The following CAPZB variants were observed in gnomAD, a reference collection of about 807,000 sequenced individuals.
The protein encoded by CAPZB is capping actin protein of muscle Z-line subunit beta, also known as F-actin-capping protein subunit beta.
Under a neutral mutation model 38.1 loss-of-function variants are expected in CAPZB, and 2 were observed. The observed-to-expected ratio is 0.05, with a 90% CI of 0.02 to 0.17. The LOEUF (loss-of-function observed/expected upper bound fraction) is 0.17. CAPZB is among the 10% of genes least tolerant of loss of function. The probability of loss-of-function intolerance (pLI) is 1.00; values close to 1 mark genes in which losing one functional copy is unlikely to be tolerated. For missense variants in CAPZB, 161 were observed against 334.2 expected, an observed-to-expected ratio of 0.48 and a Z score of 4.04; for synonymous variants, 107 against 127.4, an observed-to-expected ratio of 0.84 and a Z score of 1.08.
rs145368871 is a variant in CAPZB, at chr1:19,367,708, A to T, written c.330-10145T>A. ...AATCCCCCGAGTCAACATACCAATC[A>T]GCTTAGGCATGTGCGACTTTAATGC... On this transcript the variant is annotated intron_variant, in intron 4 of 8. Transcript: ENST00000264202. 6.2e-4 allele frequency among the ~76,000 whole-genome samples: 94 copies of T among 152,318 alleles called. No homozygotes were observed. In the East Asian group the frequency reaches 0.012, roughly 19 times the overall value.
intron 1 of CAPZB, among the ~76,000 whole-genome samples, chr1:19,423,099 A>C (rs564816329): frequency 7.2e-5 from 11 of 152,304 alleles, no homozygotes; most frequent in African/African-American, 2.6e-4. Flanking sequence ...ACAGCACTAG[A>C]ATACTACTAC....
rs75034145 is a variant in CAPZB, at chr1:19,398,703, G to A, written c.94-13077C>T. ...CCCATAGAAACGACCAAGCAGGGGA[G>A]ACTGGAGGGGACATCTCCAGGGGGC... On this transcript the variant is annotated intron_variant, in intron 2 of 8. Coordinates refer to ENST00000264202, the MANE Select transcript of CAPZB (RefSeq NM_004930.5). Among the ~76,000 whole-genome samples, 1,420 of 152,064 alleles carry A rather than the reference G, an allele frequency of 9.3e-3. 61 individuals carry two copies. The East Asian group carries it at 0.12, about 13-fold the overall frequency.
intron 1 of CAPZB, among the ~76,000 whole-genome samples, chr1:19,471,585 C>T (rs568409326): frequency 7.3e-5 from 8 of 110,040 alleles, no homozygotes; most frequent in Non-Finnish European, 1.5e-4. Flanking sequence ...GCTTCCTCGG[C>T]TGGGCGCTGT....
intron 4 of CAPZB, among the ~76,000 whole-genome samples, chr1:19,372,804 C>T (rs1443232340): frequency 6.6e-6 from 1 of 152,142 alleles, no homozygotes; most frequent in African/African-American, 2.4e-5. Context: ...GTTCTCGTGA[C>T]ATCCCCTGGA....
At chr1:19,423,995 A>G (rs923342177) in intron 1 of CAPZB, among the ~76,000 whole-genome samples, 2 of 151,894 alleles carry the variant, frequency 1.3e-5, no homozygotes, top group Non-Finnish European at 2.9e-5. Context: ...TATTTTTTGT[A>G]GAGATGGGGT....
chr1:19,470,936 T>A (rs2094584936), intron 1 of CAPZB, among the ~76,000 whole-genome samples: 2 of 152,224 alleles, frequency 1.3e-5, no homozygotes, highest in African/African-American at 4.8e-5. Context: ...TGAGGCCTGC[T>A]GAATGCTAAG....
intron 1 of CAPZB, among the ~76,000 whole-genome samples, chr1:19,454,684 T>C (rs1250137767): frequency 1.3e-5 from 2 of 152,214 alleles, no homozygotes; most frequent in Non-Finnish European, 1.5e-5. Flanking sequence ...CAGTCTGTAC[T>C]GTAATGCCAA....
chr1:19,411,424 G>T (rs990119197), intron 2 of CAPZB, among the ~76,000 whole-genome samples: 2 of 152,182 alleles, frequency 1.3e-5, no homozygotes, highest in Non-Finnish European at 2.9e-5. Context: ...TGGCTTTGGA[G>T]AAATTCAAGC....
At chr1:19,382,247 G>T (rs1446908763) in intron 3 of CAPZB, among the ~76,000 whole-genome samples, 2 of 152,076 alleles carry the variant, frequency 1.3e-5, no homozygotes, top group Non-Finnish European at 1.5e-5. Flanking sequence ...CTGAAGCCAG[G>T]GTAATTGTAG....
intron 1 of CAPZB, among the ~76,000 whole-genome samples, chr1:19,469,739 A>AAT (rs1553294625): frequency 0.011 from 849 of 74,142 alleles, 6 homozygotes; most frequent in African/African-American, 0.041. Flanking sequence ...GGAGGAAAAG[A>AAT]ATACACACAC....
intron 6 of CAPZB, among the ~76,000 whole-genome samples, chr1:19,355,375 A>G (rs1268897059): frequency 1.3e-5 from 2 of 151,906 alleles, no homozygotes; most frequent in East Asian, 1.9e-4. Flanking sequence ...CACGCTTGTA[A>G]TCCCAGCTAC....
At chr1:19,349,336 T>C (rs1159727337) in intron 6 of CAPZB, among the ~76,000 whole-genome samples, 1 of 151,136 alleles carries the variant, frequency 6.6e-6, no homozygotes, top group African/African-American at 2.4e-5. Context: ...AGCCTGGGGG[T>C]TGGATGGAAA....
chr1:19,379,924 G>A (rs1447147490), intron 3 of CAPZB, among the ~76,000 whole-genome samples: 5 of 152,096 alleles, frequency 3.3e-5, no homozygotes, highest in South Asian at 2.1e-4. Context: ...TAAACGCCTC[G>A]CTGTTTCCAC....
At chr1:19,418,409 T>C (rs1157327583) in intron 2 of CAPZB, among the ~76,000 whole-genome samples, 1 of 152,168 alleles carries the variant, frequency 6.6e-6, no homozygotes, top group Non-Finnish European at 1.5e-5. Flanking sequence ...GTGGGTTCAT[T>C]TGCATCACAA....
At chr1:19,457,933 T>C (rs2094538094) in intron 1 of CAPZB, among the ~76,000 whole-genome samples, 1 of 152,174 alleles carries the variant, frequency 6.6e-6, no homozygotes, top group South Asian at 2.1e-4. Flanking sequence ...ATCTGATGTT[T>C]AAGGAGTAAA....
At chr1:19,445,182 C>T (rs991453293) in intron 1 of CAPZB, among the ~76,000 whole-genome samples, 3 of 152,102 alleles carry the variant, frequency 2.0e-5, no homozygotes, top group East Asian at 1.9e-4. Flanking sequence ...AAGCACTGTA[C>T]GATCACTAAC....
chr1:19,448,951 G>T (rs765910655), intron 1 of CAPZB: 1 of 1,611,892 alleles, frequency 6.2e-7, no homozygotes, highest in Non-Finnish European at 8.5e-7. Flanking sequence ...TCGTTTTGCA[G>T]GCAGGGGAGG....
chr1:19,395,633 T>A (rs2094263042), intron 2 of CAPZB, among the ~76,000 whole-genome samples: 1 of 152,200 alleles, frequency 6.6e-6, no homozygotes, highest in African/African-American at 2.4e-5. Context: ...GTTGTCCACA[T>A]GTAACCTTAA....
intron 1 of CAPZB, among the ~76,000 whole-genome samples, chr1:19,465,058 A>C (rs2094564744): frequency 6.6e-6 from 1 of 152,076 alleles, no homozygotes; most frequent in Non-Finnish European, 1.5e-5. Context: ...GATTAAAAAC[A>C]AAAAAAAGAA....
Sources: allele counts gnomAD v4.1 joint callset (sites outside exome capture counted in the v4.1 genomes callset), GRCh38; gene constraint gnomAD v4.1.1; transcripts MANE v1.5; gene names NCBI Gene and HGNC (gene_info 2026-07-23, HGNC 2026-07-21).